The following DCDC1 variants were observed in gnomAD, a reference collection of about 807,000 sequenced individuals.
The protein encoded by DCDC1 is doublecortin domain containing 1.
Under a neutral mutation model 178.3 loss-of-function variants are expected in DCDC1, and 200 were observed. The observed-to-expected ratio is 1.12, with a 90% CI of 1.00 to 1.26. DCDC1 has a LOEUF of 1.26. Ranked by LOEUF, DCDC1 falls within the 50% of genes most tolerant of loss-of-function variation. The probability of loss-of-function intolerance (pLI) is 0.00; values close to 1 mark genes in which losing one functional copy is unlikely to be tolerated. For missense variants in DCDC1, 1,983 were observed against 1,749.2 expected, an observed-to-expected ratio of 1.13 and a Z score of -2.38; for synonymous variants, 690 against 604.8, an observed-to-expected ratio of 1.14 and a Z score of -2.07.
At chr11:31,329,405 T>C (rs1949839337) in intron 2 of DCDC1, among the ~76,000 whole-genome samples, 4 of 152,064 alleles carry the variant, frequency 2.6e-5, no homozygotes, top group Admixed American at 2.0e-4. Flanking sequence ...TTTTTTTTTA[T>C]TACTATACTT....
Position 31,106,751 on chromosome 11 carries a change from C to T in DCDC1, c.1751+46G>A, listed in dbSNP as rs760660626. The stretch of plus-strand genomic sequence containing the variant: ...TCTCAAATCCGCTTTCAAATTAGCT[C>T]TCCCCTGGAAAGATTGAGGACAGAA... On this transcript the variant is annotated intron_variant, in intron 13 of 38. Transcript: ENST00000684477. 11 of 745,214 alleles carry T rather than the reference C, an allele frequency of 1.5e-5. No individual in the cohort carries two copies. In the South Asian group the frequency reaches 1.6e-4, roughly 11 times the overall value. 46.2% of individuals were successfully genotyped at this position (745,214 alleles called of 1,614,324 possible).
chr11:31,105,910 T>C (rs1386757003), intron 13 of DCDC1, among the ~76,000 whole-genome samples: 6 of 152,222 alleles, frequency 3.9e-5, no homozygotes, highest in African/African-American at 7.2e-5. Flanking sequence ...AGTTATACTC[T>C]ATATGAAAAA....
intron 20 of DCDC1, among the ~76,000 whole-genome samples, chr11:31,014,586 AT>A (rs1369693678): frequency 6.6e-6 from 1 of 152,106 alleles, no homozygotes; most frequent in African/African-American, 2.4e-5. Flanking sequence ...GTTTGGGGTA[AT>A]TTTTATATAG....
At chr11:30,998,042 C>G (rs563140629) in intron 20 of DCDC1, among the ~76,000 whole-genome samples, 1 of 152,180 alleles carries the variant, frequency 6.6e-6, no homozygotes, top group African/African-American at 2.4e-5. Context: ...GTCTGTAATG[C>G]CAGCACTTTG....
chr11:31,225,767 G>GA (rs1037885749), intron 9 of DCDC1, among the ~76,000 whole-genome samples: 9 of 148,104 alleles, frequency 6.1e-5, no homozygotes, highest in South Asian at 4.2e-4. Flanking sequence ...TTTATTTCCT[G>GA]AAAAAAAAAT....
In DCDC1 at chr11:31,250,430, G is replaced by GCACACA. The variant is rs1565496619; in HGVS notation, c.1055-8815_1055-8814insTGTGTG. The stretch of plus-strand genomic sequence containing the variant: ...CACACACACACATATACATATATAT[G>GCACACA]TATATATATATATATCCCTGCCTGG... On this transcript the variant is annotated intron_variant, in intron 8 of 38. Transcript: ENST00000684477. 8.2e-5 allele frequency among the ~76,000 whole-genome samples: 7 copies of GCACACA among 84,868 alleles called. 1 individual carries two copies. Among genetic ancestry groups the GCACACA allele is most frequent in the Admixed American group, 3.5e-4 (3 of 8,488 alleles). The allele number at this position is 84,868 out of a possible 152,430, so 55.7% of individuals were successfully genotyped here. A position where few individuals can be genotyped will look rare whatever the true frequency, so the allele number is the denominator to read the frequency against.
intron 1 of DCDC1, among the ~76,000 whole-genome samples, chr11:31,358,683 T>C (rs943211816): frequency 2.0e-5 from 3 of 152,126 alleles, no homozygotes; most frequent in Non-Finnish European, 2.9e-5. Flanking sequence ...TTTTGCAACC[T>C]ACTCATCTGA....
chr11:31,302,963 C>T lies in DCDC1; in HGVS notation c.754+2652G>A, dbSNP rs777155685. Among the ~76,000 whole-genome samples, 7 of 152,182 alleles carry T rather than the reference C, an allele frequency of 4.6e-5. No homozygotes were observed. In the South Asian group the frequency reaches 8.3e-4, roughly 18 times the overall value. On this transcript the variant is annotated intron_variant, in intron 6 of 38. Coordinates refer to ENST00000684477, the MANE Select transcript of DCDC1 (RefSeq NM_001387274.1). ...TCCAATGCCAGAAATAAAATAAGAT[C>T]CATTTGATTTATGTTGTAAAATAGT...
intron 20 of DCDC1, among the ~76,000 whole-genome samples, chr11:30,985,606 C>G (rs952673243): frequency 6.6e-6 from 1 of 152,080 alleles, no homozygotes; most frequent in Non-Finnish European, 1.5e-5. Context: ...TATCACCTCA[C>G]TTTACCCTTA....
intron 20 of DCDC1, among the ~76,000 whole-genome samples, chr11:31,043,210 G>C (rs1308622474): frequency 6.6e-6 from 1 of 152,156 alleles, no homozygotes; most frequent in Non-Finnish European, 1.5e-5. Context: ...GTCTGTCACT[G>C]ACCAAAATTT....
In DCDC1 at chr11:30,956,015, G is replaced by A. The variant is rs940953165; in HGVS notation, c.2592-3447C>T. On this transcript the variant is annotated intron_variant, in intron 20 of 38. Coordinates refer to ENST00000684477, the MANE Select transcript of DCDC1 (RefSeq NM_001387274.1). Reference sequence around the variant, plus strand: ...ACTAGGGAGTGTTTAAGAATTTGAGGACTTTTTTGGTTGTCACAATGATTA... The same window carrying A: ...ACTAGGGAGTGTTTAAGAATTTGAGAACTTTTTTGGTTGTCACAATGATTA... 2.0e-5 allele frequency among the ~76,000 whole-genome samples: 3 copies of A among 152,088 alleles called. No individual in the cohort carries two copies. In the East Asian group the frequency reaches 5.8e-4, roughly 29 times the overall value.
chr11:30,958,078 G>A (rs911854752), intron 20 of DCDC1, among the ~76,000 whole-genome samples: 4 of 152,202 alleles, frequency 2.6e-5, no homozygotes, highest in African/African-American at 9.6e-5. Flanking sequence ...ATTAGGTTGA[G>A]CTGTGAGTGG....
chr11:31,290,362 T>C (rs1947135430), intron 7 of DCDC1, among the ~76,000 whole-genome samples: 1 of 152,068 alleles, frequency 6.6e-6, no homozygotes, highest in Admixed American at 6.6e-5. Flanking sequence ...TTAGAATGTT[T>C]AGAATGTTTT....
chr11:31,168,492 C>G (rs1453283684), intron 9 of DCDC1, among the ~76,000 whole-genome samples: 1 of 152,166 alleles, frequency 6.6e-6, no homozygotes, highest in Non-Finnish European at 1.5e-5. Flanking sequence ...TATTCCTGCC[C>G]TTAGCATAAT....
At chr11:30,877,750 G>T (rs1942268882) in intron 38 of DCDC1, among the ~76,000 whole-genome samples, 1 of 152,076 alleles carries the variant, frequency 6.6e-6, no homozygotes, top group African/African-American at 2.4e-5. Flanking sequence ...TGTGGCATTT[G>T]GTGGCCACCA....
chr11:31,104,668 C>T (rs1384898330), intron 13 of DCDC1, among the ~76,000 whole-genome samples: 2 of 151,948 alleles, frequency 1.3e-5, no homozygotes, highest in Non-Finnish European at 2.9e-5. Flanking sequence ...TTACTGTTGA[C>T]TGTGTTAGAT....
At chr11:31,230,799 T>C (rs1975662670) in intron 9 of DCDC1, among the ~76,000 whole-genome samples, 1 of 151,648 alleles carries the variant, frequency 6.6e-6, no homozygotes. Context: ...ATTTCTGGCA[T>C]GTTATAAATA....
chr11:31,082,465 G>A (rs1409813607), intron 17 of DCDC1, among the ~76,000 whole-genome samples: 1 of 151,850 alleles, frequency 6.6e-6, no homozygotes, highest in Non-Finnish European at 1.5e-5. Flanking sequence ...ATCTGCCCTG[G>A]GAAGCTTGCT....
intron 7 of DCDC1, among the ~76,000 whole-genome samples, chr11:31,289,402 A>C (rs1947062320): frequency 6.6e-6 from 1 of 152,012 alleles, no homozygotes; most frequent in East Asian, 1.9e-4. Context: ...TTAATATCAT[A>C]ATCAAAATCT....
Sources: gnomAD v4.1 joint callset for allele counts (sites outside exome capture counted in the v4.1 genomes callset) on GRCh38, gnomAD v4.1.1 for gene constraint, MANE v1.5 for transcripts, NCBI Gene and HGNC (gene_info 2026-07-23, HGNC 2026-07-21) for gene names.